The following KCNH5 variants were observed in gnomAD, a reference collection of about 807,000 sequenced individuals.
KCNH5 encodes the protein voltage-gated delayed rectifier potassium channel KCNH5.
Under a neutral mutation model 96.1 loss-of-function variants are expected in KCNH5, and 46 were observed. The observed-to-expected ratio is 0.48, with a 90% confidence interval of 0.38 to 0.61. KCNH5 has a LOEUF of 0.61. Among genes scored for constraint, KCNH5 ranks in the 20% least tolerant of loss-of-function variants. KCNH5 has a pLI of 0.00. For missense variants in KCNH5, 907 were observed against 1,225.8 expected, an observed-to-expected ratio of 0.74 and a Z score of 3.88; for synonymous variants, 439 against 449.8, an observed-to-expected ratio of 0.98 and a Z score of 0.30.
Position 62,950,250 on chromosome 14 carries a change from A to G in KCNH5, c.1252T>C (p.Leu418=), listed in dbSNP as rs746183987. The change falls in exon 7 of 11, where the codon TTG becomes CTG. Residue 418 remains leucine (L), a synonymous_variant. Transcript: ENST00000322893. The stretch of plus-strand genomic sequence containing the variant: ...GTAAAGTAGAGAGAGGACACGTACA[A>G]TGAATCCTTGCTGGGTCCTCCTTCC... The part of the protein sequence containing the change: ...IWEGGPSKDS[L]YVSSLYFTMT... The G allele has an allele frequency of 8.9e-5, 144 of 1,613,926 alleles. No individual in the cohort carries two copies. Among genetic ancestry groups the G allele is most frequent in the Middle Eastern group, 3.3e-4 (2 of 6,082 alleles).
intron 1 of KCNH5, among the ~76,000 whole-genome samples, chr14:63,028,376 G>A (rs1271374345): frequency 1.3e-5 from 2 of 151,956 alleles, no homozygotes. Context: ...AACCATTAGT[G>A]GACTCCTACT....
intron 10 of KCNH5, among the ~76,000 whole-genome samples, chr14:62,752,387 G>C (rs1428410628): frequency 6.6e-6 from 1 of 151,994 alleles, no homozygotes; most frequent in East Asian, 1.9e-4. Flanking sequence ...GTGGGGAAGA[G>C]CATCAAGTGG....
At chr14:62,760,859 G>T (rs937642923) in intron 10 of KCNH5, among the ~76,000 whole-genome samples, 7 of 152,258 alleles carry the variant, frequency 4.6e-5, no homozygotes, top group African/African-American at 1.7e-4. Flanking sequence ...TTATTTTGGT[G>T]AGAACAGTTA....
chr14:62,918,582 G>A (rs1408059905), intron 7 of KCNH5, among the ~76,000 whole-genome samples: 1 of 152,058 alleles, frequency 6.6e-6, no homozygotes, highest in Non-Finnish European at 1.5e-5. Context: ...GACATAGTAG[G>A]CAATTTGCAA....
chr14:62,798,087 G>A lies in KCNH5; in HGVS notation c.1822+4242C>T, dbSNP rs138839386. Among the ~76,000 whole-genome samples the A allele has an allele frequency of 3.5e-3, 526 of 152,158 alleles. 1 individual carries two copies. Among genetic ancestry groups the A allele is most frequent in the Middle Eastern group, 0.014 (4 of 294 alleles). ...ATTCGAGTGCTAAAGACTCTCTTTC[G>A]TATTAAGTTGATTTAATTATGTTAT... On this transcript the variant is annotated intron_variant, in intron 9 of 10. Coordinates refer to ENST00000322893, the MANE Select transcript of KCNH5 (RefSeq NM_139318.5).
intron 7 of KCNH5, among the ~76,000 whole-genome samples, chr14:62,909,667 A>G (rs28648392): frequency 0.16 from 24,179 of 151,928 alleles, 2,171 homozygotes; most frequent in East Asian, 0.36. Flanking sequence ...CTGTATTCCT[A>G]TAATAAGCTC....
intron 4 of KCNH5, among the ~76,000 whole-genome samples, chr14:62,988,542 G>A (rs985402252): frequency 2.6e-5 from 4 of 151,938 alleles, no homozygotes; most frequent in Admixed American, 6.6e-5. Context: ...ATCAATAACT[G>A]GATTGGAAAA....
At chr14:62,819,841 A>G (rs1887077921) in intron 8 of KCNH5, among the ~76,000 whole-genome samples, 1 of 152,220 alleles carries the variant, frequency 6.6e-6, no homozygotes. Context: ...CTATGATAAA[A>G]TACATGAAAA....
chr14:62,952,141 G>A (rs895544639), intron 6 of KCNH5, among the ~76,000 whole-genome samples: 1 of 152,048 alleles, frequency 6.6e-6, no homozygotes, highest in Non-Finnish European at 1.5e-5. Flanking sequence ...TCATCCTGCT[G>A]GGTTTCTGCC....
chr14:62,849,923 A>C (rs1887771310), intron 7 of KCNH5, 71 bp from the exon 8 acceptor site: 2 of 1,242,204 alleles, frequency 1.6e-6, no homozygotes, highest in Non-Finnish European at 1.2e-6. Flanking sequence ...TTGCTAAATC[A>C]ATGAATAATT....
At chr14:62,732,495 A>T (rs2139925836) in intron 10 of KCNH5, among the ~76,000 whole-genome samples, 1 of 152,090 alleles carries the variant, frequency 6.6e-6, no homozygotes, top group East Asian at 1.9e-4. Flanking sequence ...AGGAAAAAAA[A>T]AAAACTCACA....
At chr14:62,969,758 T>A (rs1039721702) in intron 6 of KCNH5, among the ~76,000 whole-genome samples, 4 of 82,196 alleles carry the variant, frequency 4.9e-5, no homozygotes, top group African/African-American at 1.3e-4. Flanking sequence ...ATAAAATTAA[T>A]TTTTTTTTTT....
intron 8 of KCNH5, among the ~76,000 whole-genome samples, chr14:62,814,782 CAAAAAAA>C (rs71120235): frequency 2.7e-3 from 92 of 33,748 alleles, no homozygotes; most frequent in Admixed American, 4.0e-3. Flanking sequence ...GACTCCATCT[CAAAAAAA>C]AAAAAAAAAA....
chr14:62,876,654 A>G (rs1471882415), intron 7 of KCNH5, among the ~76,000 whole-genome samples: 2 of 152,240 alleles, frequency 1.3e-5, no homozygotes, highest in South Asian at 4.1e-4. Context: ...TAAATCCTGG[A>G]CAATAAAATC....
At chr14:63,017,029 G>T in intron 1 of KCNH5, 75 bp from the exon 2 acceptor site, 2 of 1,423,544 alleles carry the variant, frequency 1.4e-6, no homozygotes, top group South Asian at 2.8e-5. Context: ...AATCAAAAAG[G>T]CAAACTTATA....
intron 8 of KCNH5, among the ~76,000 whole-genome samples, chr14:62,813,226 G>A (rs111381358): frequency 2.6e-5 from 4 of 152,210 alleles, no homozygotes; most frequent in African/African-American, 9.6e-5. Flanking sequence ...TCTTCCAAAT[G>A]CATTTGAAAG....
chr14:62,794,078 T>C (rs1886489872), intron 9 of KCNH5, among the ~76,000 whole-genome samples: 1 of 151,886 alleles, frequency 6.6e-6, no homozygotes, highest in African/African-American at 2.4e-5. Flanking sequence ...TTCTCCTCAG[T>C]CCTAAACACC....
intron 2 of KCNH5, among the ~76,000 whole-genome samples, chr14:63,009,058 C>T (rs1256871786): frequency 6.6e-6 from 1 of 152,082 alleles, no homozygotes; most frequent in Non-Finnish European, 1.5e-5. Context: ...AAAACCATTT[C>T]ACACTGCTAC....
intron 8 of KCNH5, among the ~76,000 whole-genome samples, chr14:62,836,553 A>G (rs1566676716): frequency 5.3e-5 from 8 of 152,160 alleles, no homozygotes; most frequent in Admixed American, 3.9e-4. Context: ...ATATATCCCA[A>G]AGCACAGTAT....
Sources: allele counts gnomAD v4.1 joint callset (sites outside exome capture counted in the v4.1 genomes callset), GRCh38; gene constraint gnomAD v4.1.1; transcripts MANE v1.5; gene names NCBI Gene and HGNC (gene_info 2026-07-23, HGNC 2026-07-21).